RHOF: variants seen among roughly 807,000 people sequenced by gnomAD.
RHOF encodes rho-related GTP-binding protein RhoF.
In RHOF, 21 loss-of-function variants were observed where a neutral mutation model predicts 22.2. The ratio of observed to expected loss-of-function variants is 0.95; its 90% CI spans 0.67 to 1.36. The LOEUF is 1.36. Ranked by LOEUF, RHOF falls within the 40% of genes most tolerant of loss-of-function variation. The probability of loss-of-function intolerance (pLI) is 0.00; values close to 1 mark genes in which losing one functional copy is unlikely to be tolerated. For synonymous variants in RHOF, 135 were observed against 131.2 expected, an observed-to-expected ratio of 1.03 and a Z score of -0.20; for missense variants, 285 against 293.7, an observed-to-expected ratio of 0.97 and a Z score of 0.22.
chr12:121,784,070 G>C (rs1010891760), intron 2 of RHOF, among the ~76,000 whole-genome samples: 1 of 152,146 alleles, frequency 6.6e-6, no homozygotes, highest in African/African-American at 2.4e-5. Context: ...CCACATGCCA[G>C]GAAGGTCCTT....
chr12:121,788,544 G>T (rs375542474), intron 2 of RHOF, among the ~76,000 whole-genome samples: 1 of 152,130 alleles, frequency 6.6e-6, no homozygotes, highest in African/African-American at 2.4e-5. Context: ...TTGGGGATGG[G>T]GGAGCGTACT....
rs937008304 is a variant in RHOF at position 121,778,823 on chromosome 12, T to C, written c.*675A>G. 1.5e-4 allele frequency: 23 copies of C among 152,440 alleles called. No individual in the cohort carries two copies. The highest frequency in any genetic ancestry group is 5.5e-4 in the African/African-American group (23 of 41,548). 9.4% of individuals were successfully genotyped at this position (152,440 alleles called of 1,614,324 possible). A position where few individuals can be genotyped will look rare whatever the true frequency, so the allele number is the denominator to read the frequency against. On this transcript the variant is annotated 3_prime_UTR_variant, in exon 5 of 5. Transcript: ENST00000267205. ...ACACTGGGGGCTTTGGGTGAAACCT[T>C]AAGGAGATGGTCAGATGGGTGGTCC...
intron 2 of RHOF, among the ~76,000 whole-genome samples, chr12:121,786,142 G>A (rs1874604438): frequency 6.6e-6 from 1 of 151,094 alleles, no homozygotes; most frequent in Admixed American, 6.6e-5. Flanking sequence ...GGATGGTCTC[G>A]ATCTCCTGAC....
chr12:121,781,051 T>G (rs1874435422), intron 3 of RHOF, 32 bp downstream of exon 3: 5 of 1,613,718 alleles, frequency 3.1e-6, no homozygotes, highest in Non-Finnish European at 4.2e-6. Flanking sequence ...CGGGCCCAGA[T>G]GTGGGGCCAC....
At position 121,793,520 on chromosome 12, in the gene RHOF, C is replaced by T. The variant is rs1330181884; in HGVS notation, c.114G>A (p.Val38=). Residue 38 remains valine, a synonymous_variant, in exon 1 of 5, where the codon GTG becomes GTA. Transcript: ENST00000267205. ...CCTCGGGGAAGGAGCCCTGGCTGTA[C>T]ACCATGAGCAGCGAGGTCTTGCCGC... ...GGCGKTSLLM[V]YSQGSFPEHY... 5.8e-6 allele frequency: 9 copies of T among 1,543,766 alleles called. No individual in the cohort carries two copies. The highest frequency in any genetic ancestry group is 2.0e-5 in the Admixed American group (1 of 51,056).
chr12:121,792,456 CTG>C (rs1711158019), intron 2 of RHOF, among the ~76,000 whole-genome samples: 1 of 152,272 alleles, frequency 6.6e-6, no homozygotes, highest in South Asian at 2.1e-4. Flanking sequence ...CCGTGGGGGC[CTG>C]CAGGTGGCAG....
intron 2 of RHOF, among the ~76,000 whole-genome samples, chr12:121,783,713 C>T (rs1259663991): frequency 1.3e-5 from 2 of 152,120 alleles, no homozygotes; most frequent in Non-Finnish European, 2.9e-5. Flanking sequence ...AACTCCCGAC[C>T]TCTGGTGATC....
intron 2 of RHOF, among the ~76,000 whole-genome samples, chr12:121,790,656 T>A (rs1874741696): frequency 6.6e-6 from 1 of 152,148 alleles, no homozygotes; most frequent in Non-Finnish European, 1.5e-5. Context: ...CCAGATCTCT[T>A]CTCCCTGGGT....
At position 121,793,146 on chromosome 12, in the gene RHOF, A is replaced by G; in HGVS notation, c.226+6T>C. 1 of 1,549,126 alleles carries G rather than the reference A, an allele frequency of 6.5e-7. No homozygotes were observed. The highest frequency in any genetic ancestry group is 8.7e-7 in the Non-Finnish European group (1 of 1,146,438). On this transcript the variant is annotated splice_donor_region_variant and intron_variant, in intron 2 of 4. Coordinates refer to ENST00000267205, the MANE Select transcript of RHOF (RefSeq NM_019034.3). ...CTCGGGCCCCCCGGCGCGCAGGCGC[A>G]CTCACCGGCCGTGTCGTAGAGGTTC...
rs776383493 is a variant in RHOF, at chr12:121,793,157, G to T, written c.221C>A (p.Thr74Lys). The T allele has an allele frequency of 1.9e-6, 3 of 1,550,046 alleles. No individual in the cohort carries two copies. Among genetic ancestry groups the T allele is most frequent in the South Asian group, 2.4e-5 (2 of 84,042 alleles). ...CGGCGCGCAGGCGCACTCACCGGCCGTGTCGTAGAGGTTCAGGGTCACCTC... is the reference window on the plus strand; with the variant it reads ...CGGCGCGCAGGCGCACTCACCGGCCTTGTCGTAGAGGTTCAGGGTCACCTC... ...SKEVTLNLYDTAGQEDYDRLR... is the reference protein window; with the variant it reads ...SKEVTLNLYDKAGQEDYDRLR... Residue 74 changes from threonine to lysine, a missense_variant, in exon 2 of 5, where the codon ACG (threonine) becomes AAG (lysine). By Grantham distance (78) the Thr-to-Lys change is moderately conservative. Transcript: ENST00000267205.
At chr12:121,784,783 G>A (rs1279982201) in intron 2 of RHOF, among the ~76,000 whole-genome samples, 1 of 152,108 alleles carries the variant, frequency 6.6e-6, no homozygotes, top group African/African-American at 2.4e-5. Flanking sequence ...GCAAAAATAG[G>A]TTCTGGTCCT....
Position 121,793,560 on chromosome 12 carries a change from AC to A in RHOF, c.73del (p.Val25TrpfsTer36). The A allele has an allele frequency of 6.4e-7, 1 of 1,551,160 alleles. No homozygotes were observed. The highest frequency in any genetic ancestry group is 8.7e-7 in the Non-Finnish European group (1 of 1,151,270). On this transcript the variant is annotated frameshift_variant, in exon 1 of 5. Transcript: ENST00000267205. LOFTEE classifies it high-confidence loss of function. ...GGTCTTGCCGCAGCCGCCGTCGCCC[AC>A]GATCACGATCTTCAGCTCCTTCCTG... ...PGRKELKIVI[V>X]GDGGCGKTSL... is the part of the protein sequence containing the mutation.
chr12:121,792,681 G>A (rs1452050810), intron 2 of RHOF, among the ~76,000 whole-genome samples: 1 of 152,268 alleles, frequency 6.6e-6, no homozygotes, highest in Non-Finnish European at 1.5e-5. Flanking sequence ...GCTGCAGAGC[G>A]CAGGCCACAG....
At position 121,793,531 on chromosome 12, in the gene RHOF, G is replaced by A. The variant is rs1288217810; in HGVS notation, c.103C>T (p.Leu35=). ...VGDGGCGKTS[L]LMVYSQGSFP... is the part of the protein sequence containing the mutation. Reference sequence around the variant, plus strand: ...GAGCCCTGGCTGTACACCATGAGCAGCGAGGTCTTGCCGCAGCCGCCGTCG... The same window carrying A: ...GAGCCCTGGCTGTACACCATGAGCAACGAGGTCTTGCCGCAGCCGCCGTCG... Residue 35 remains leucine, a synonymous_variant, in exon 1 of 5, where the codon CTG becomes TTG. Transcript: ENST00000267205. 6.5e-7 allele frequency: 1 copy of A among 1,544,396 alleles called. No individual in the cohort carries two copies. Among genetic ancestry groups the A allele is most frequent in the Non-Finnish European group, 8.7e-7 (1 of 1,147,324 alleles).
intron 2 of RHOF, among the ~76,000 whole-genome samples, chr12:121,788,549 C>T (rs575138857): frequency 3.7e-4 from 57 of 152,202 alleles, no homozygotes; most frequent in African/African-American, 1.2e-3. Flanking sequence ...GATGGGGGAG[C>T]GTACTATTAA....
chr12:121,790,417 G>A (rs186692157), intron 2 of RHOF, among the ~76,000 whole-genome samples: 8 of 152,222 alleles, frequency 5.3e-5, no homozygotes, highest in Non-Finnish European at 7.4e-5. Flanking sequence ...CTACGTGGCC[G>A]CCTGGCCATG....
At chr12:121,781,625 C>G (rs548949215) in intron 2 of RHOF, 1 of 192,168 alleles carries the variant, frequency 5.2e-6, no homozygotes, top group Admixed American at 5.3e-5. Flanking sequence ...GTGTGATCCC[C>G]CTGCCCTGAT....
intron 2 of RHOF, 95 bp downstream of exon 2, chr12:121,793,057 G>T (rs2137509365): frequency 1.9e-6 from 2 of 1,079,734 alleles, no homozygotes. Context: ...CCCTGCCAAG[G>T]CTGCAGGGCG....
At chr12:121,783,627 C>T (rs1416246132) in intron 2 of RHOF, among the ~76,000 whole-genome samples, 3 of 152,118 alleles carry the variant, frequency 2.0e-5, no homozygotes, top group Non-Finnish European at 4.4e-5. Flanking sequence ...GGATTACAGG[C>T]GCCCACCACC....
Sources: gnomAD v4.1 joint callset for allele counts (sites outside exome capture counted in the v4.1 genomes callset) on GRCh38, gnomAD v4.1.1 for gene constraint, MANE v1.5 for transcripts, NCBI Gene and HGNC (gene_info 2026-07-23, HGNC 2026-07-21) for gene names.